Variants in TENM2 observed in about 807,000 individuals in gnomAD.
TENM2 encodes the protein teneurin transmembrane protein 2.
TENM2 carries 52 observed loss-of-function variants against 245.2 expected under a neutral mutation model. The ratio of observed to expected loss-of-function variants is 0.21; its 90% CI spans 0.17 to 0.27. TENM2 has a LOEUF of 0.27. Among genes scored for constraint, TENM2 ranks in the 10% least tolerant of loss-of-function variants. TENM2 has a pLI of 1.00. For missense variants in TENM2, 3,046 were observed against 3,666.8 expected (o/e 0.83, Z 4.37); for synonymous variants, 1,363 against 1,438.9 (o/e 0.95, Z 1.19).
chr5:167,755,808 G>A (rs111906747), intron 2 of TENM2, among the ~76,000 whole-genome samples: 1 of 152,166 alleles, frequency 6.6e-6, no homozygotes, highest in Non-Finnish European at 1.5e-5. Context: ...ACAGGTTTTT[G>A]TGAAACTCCT....
chr5:167,486,911 G>T (rs1265932444), intron 2 of TENM2, among the ~76,000 whole-genome samples: 1 of 152,154 alleles, frequency 6.6e-6, no homozygotes, highest in Admixed American at 6.5e-5. Flanking sequence ...AAAAAATCAA[G>T]TGAGCAATTA....
At chr5:167,279,514 TTTCCTTCCTTCCTTCCTTCC>T in the TENM2 span, among the ~76,000 whole-genome samples, 949 of 98,288 alleles carry the variant, frequency 9.7e-3, 17 homozygotes, top group African/African-American at 0.033. Context: ...CCTTCCTTCC[TTTCCTTCCTTCCTTCCTTCC>T]TTCCTTCCTT....
At chr5:167,670,141 GA>G (rs1354018743) in intron 2 of TENM2, among the ~76,000 whole-genome samples, 1 of 152,120 alleles carries the variant, frequency 6.6e-6, no homozygotes, top group Admixed American at 6.6e-5. Flanking sequence ...AATCACCAGA[GA>G]AACAGAGCTC....
At chr5:167,501,714 T>C (rs966627457) in intron 2 of TENM2, among the ~76,000 whole-genome samples, 4 of 152,150 alleles carry the variant, frequency 2.6e-5, no homozygotes, top group African/African-American at 9.7e-5. Flanking sequence ...GTTACCTCAA[T>C]TGGTCCCTGA....
chr5:168,218,873 T>A lies in TENM2; in HGVS notation c.4982T>A (p.Val1661Glu). The A allele has an allele frequency of 6.2e-7, 1 of 1,614,016 alleles. No homozygotes were observed. Among genetic ancestry groups the A allele is most frequent in the Non-Finnish European group, 8.5e-7 (1 of 1,179,900 alleles). The change falls in exon 23 of 29, where the codon GTG becomes GAG. Residue 1661 changes from valine (V) to glutamate (E), a missense_variant. Around this residue, in one of 2 missense-constraint regions of TENM2, gnomAD observed 2,704 missense variants for 3,331.9 expected, o/e 0.81. Coordinates refer to ENST00000518659, the Ensembl canonical transcript of TENM2. The surrounding 1 kb of genome is among the most constrained non-coding windows in gnomAD (Gnocchi z 5.2). ...GACAACCAGATCATCACCCTCACCG[T>A]GGGCACCAATGGAGGCCTCAAAGTC...
the TENM2 span, among the ~76,000 whole-genome samples, chr5:167,123,225 G>A: frequency 1.3e-5 from 2 of 152,054 alleles, no homozygotes; most frequent in African/African-American, 4.8e-5. Flanking sequence ...CATGAGAAGC[G>A]CTTGAACCCG....
intron 3 of TENM2, among the ~76,000 whole-genome samples, chr5:167,935,157 C>T (rs920133967): frequency 4.6e-5 from 7 of 152,076 alleles, no homozygotes; most frequent in East Asian, 1.9e-4. Flanking sequence ...TGAAAAGAGC[C>T]GTTAGTGCAA....
At chr5:167,069,639 C>G in the TENM2 span, among the ~76,000 whole-genome samples, 3 of 152,156 alleles carry the variant, frequency 2.0e-5, no homozygotes, top group African/African-American at 7.2e-5. Flanking sequence ...ACAATTTTGT[C>G]TATTCCAAGT....
At chr5:167,428,530 A>C (rs1463056519) in intron 2 of TENM2, among the ~76,000 whole-genome samples, 4 of 152,226 alleles carry the variant, frequency 2.6e-5, no homozygotes, top group African/African-American at 9.6e-5. Context: ...TGCTCATTCA[A>C]ATTTGACTAC....
chr5:168,178,348 C>T (rs1216534347), intron 13 of TENM2, among the ~76,000 whole-genome samples: 1 of 152,056 alleles, frequency 6.6e-6, no homozygotes, highest in Non-Finnish European at 1.5e-5. Flanking sequence ...GACCAGGCAG[C>T]GAGAGGCCAG....
intron 2 of TENM2, among the ~76,000 whole-genome samples, chr5:167,753,697 G>A (rs892023760): frequency 1.3e-5 from 2 of 152,210 alleles, no homozygotes; most frequent in Non-Finnish European, 2.9e-5. Context: ...ACTCATGAAT[G>A]TCCTATCGTC....
chr5:167,696,060 C>A (rs58121576), intron 2 of TENM2, among the ~76,000 whole-genome samples: 553 of 148,792 alleles, frequency 3.7e-3, no homozygotes, highest in African/African-American at 0.013. Context: ...AAAAAAAAAA[C>A]AACAACAACA....
chr5:167,192,489 G>A, the TENM2 span, among the ~76,000 whole-genome samples: 9 of 151,978 alleles, frequency 5.9e-5, no homozygotes, highest in African/African-American at 1.7e-4. Context: ...AAGGAGTGTA[G>A]GTAAGGTCTA....
chr5:167,027,999 G>A, the TENM2 span, among the ~76,000 whole-genome samples: 1 of 149,626 alleles, frequency 6.7e-6, no homozygotes, highest in Non-Finnish European at 1.5e-5. Context: ...TGAGCCTAGA[G>A]GCAGAGGTTG....
At chr5:167,204,673 T>C in the TENM2 span, among the ~76,000 whole-genome samples, 1 of 150,768 alleles carries the variant, frequency 6.6e-6, no homozygotes, top group Non-Finnish European at 1.5e-5. Flanking sequence ...GAGGACTTTA[T>C]GTCAGAGAGA....
chr5:167,637,677 G>T lies in TENM2; in HGVS notation c.503-238309G>T, dbSNP rs187200618. The stretch of plus-strand genomic sequence containing the variant: ...AGTTCATGTCCTTTGCAGGGACATG[G>T]ATGAAGCTGGAAACCATCAGCAAAT... On this transcript the variant is annotated intron_variant, in intron 2 of 28. Coordinates refer to ENST00000518659, the Ensembl canonical transcript of TENM2. Among the ~76,000 whole-genome samples, 357 of 152,270 alleles carry T rather than the reference G, an allele frequency of 2.3e-3. 9 individuals are homozygous for T. Among genetic ancestry groups the T allele is most frequent in the Admixed American group, 0.02 (313 of 15,298 alleles).
chr5:167,337,882 CAGTG>C (rs1156505520), intron 1 of TENM2, among the ~76,000 whole-genome samples: 1 of 152,070 alleles, frequency 6.6e-6, no homozygotes, highest in Non-Finnish European at 1.5e-5. Context: ...TATTATAAAT[CAGTG>C]AGATTAATTT....
At chr5:167,023,635 A>G in the TENM2 span, among the ~76,000 whole-genome samples, 2 of 152,208 alleles carry the variant, frequency 1.3e-5, no homozygotes, top group African/African-American at 2.4e-5. Context: ...CAGCAGTACA[A>G]TCAGTCAATG....
At chr5:167,766,360 G>A (rs1244490853) in intron 2 of TENM2, among the ~76,000 whole-genome samples, 2 of 152,210 alleles carry the variant, frequency 1.3e-5, no homozygotes, top group African/African-American at 4.8e-5. Flanking sequence ...GAATTAAAGA[G>A]ATTCCCGCAG....
Sources: allele counts gnomAD v4.1 joint callset (sites outside exome capture counted in the v4.1 genomes callset), GRCh38; gene constraint gnomAD v4.1.1; regional missense constraint gnomAD v4.1.1; non-coding constraint Gnocchi (gnomAD v3.1); transcripts MANE v1.5; gene names NCBI Gene and HGNC (gene_info 2026-07-23, HGNC 2026-07-21).